TLE4: variants seen among roughly 807,000 people sequenced by gnomAD.
TLE4 encodes the protein TLE family member 4, transcriptional corepressor.
TLE4 carries 8 observed loss-of-function variants against 92.8 expected under a neutral mutation model. That is an observed-to-expected ratio of 0.09 (90% confidence interval 0.05 to 0.16). The LOEUF (loss-of-function observed/expected upper bound fraction) is 0.16. Among genes scored for constraint, TLE4 ranks in the 10% least tolerant of loss-of-function variants. The probability of loss-of-function intolerance (pLI) is 1.00; values close to 1 mark genes in which losing one functional copy is unlikely to be tolerated. For missense variants in TLE4, 675 were observed against 997.6 expected (o/e 0.68, Z 4.36); for synonymous variants, 371 against 374.1 (o/e 0.99, Z 0.10).
chr9:79,625,971 C>T (rs145539988), intron 5 of TLE4, among the ~76,000 whole-genome samples: 1 of 151,618 alleles, frequency 6.6e-6, no homozygotes, highest in African/African-American at 2.4e-5. Flanking sequence ...AATTTAAAAA[C>T]ATTAAAAAGT....
intron 6 of TLE4, among the ~76,000 whole-genome samples, chr9:79,641,880 C>T (rs564596445): frequency 1.3e-5 from 2 of 151,742 alleles, no homozygotes; most frequent in Non-Finnish European, 2.9e-5. Context: ...CCTGGTTTAG[C>T]GTTCTTCAAA....
intron 4 of TLE4, among the ~76,000 whole-genome samples, chr9:79,585,680 TAGAA>T (rs1251768920): frequency 1.3e-5 from 2 of 152,202 alleles, no homozygotes; most frequent in Non-Finnish European, 2.9e-5. Context: ...TTTTCAGTCT[TAGAA>T]AGTCTCTTTT....
intron 6 of TLE4, among the ~76,000 whole-genome samples, chr9:79,648,256 T>C (rs2058405005): frequency 6.6e-6 from 1 of 152,150 alleles, no homozygotes; most frequent in African/African-American, 2.4e-5. Flanking sequence ...CTCGCTATGT[T>C]TAGGGAACTG....
chr9:79,700,854 A>G (rs981668145), intron 8 of TLE4, among the ~76,000 whole-genome samples: 1 of 151,822 alleles, frequency 6.6e-6, no homozygotes, highest in Admixed American at 6.6e-5. Flanking sequence ...ACACACACAT[A>G]CACACACACA....
intron 4 of TLE4, among the ~76,000 whole-genome samples, chr9:79,589,942 C>T (rs1564185548): frequency 6.6e-6 from 1 of 152,100 alleles, no homozygotes. Context: ...CAAAATGGAA[C>T]CTTGAGTTTT....
chr9:79,678,594 A>G (rs117372562), intron 8 of TLE4, among the ~76,000 whole-genome samples: 4,219 of 150,290 alleles, frequency 0.028, 99 homozygotes, highest in Admixed American at 0.075. Context: ...CTCTAGTTTA[A>G]GGAAGTACTT....
chr9:79,649,632 C>G, intron 6 of TLE4: 1 of 296,588 alleles, frequency 3.4e-6, no homozygotes, highest in Non-Finnish European at 6.4e-6. Context: ...AGGAAAAGGA[C>G]CCTTCTCTAA....
At chr9:79,690,796 T>G (rs2066909109) in intron 8 of TLE4, among the ~76,000 whole-genome samples, 2 of 141,060 alleles carry the variant, frequency 1.4e-5, no homozygotes, top group African/African-American at 5.3e-5. Context: ...TTTTTTTTTT[T>G]TTTTTTTTTT....
chr9:79,656,300 T>C (rs938504303), intron 8 of TLE4, among the ~76,000 whole-genome samples: 9 of 152,212 alleles, frequency 5.9e-5, no homozygotes, highest in African/African-American at 1.9e-4. Context: ...AGATGGTTTT[T>C]ATCAGCCAGA....
intron 19 of TLE4, among the ~76,000 whole-genome samples, chr9:79,723,814 G>A (rs138091891): frequency 6.6e-6 from 1 of 152,250 alleles, no homozygotes; most frequent in Non-Finnish European, 1.5e-5. Context: ...GCCAATTGTT[G>A]CAGTCATGAA....
At chr9:79,600,066 G>T (rs2045223575) in intron 4 of TLE4, among the ~76,000 whole-genome samples, 1 of 152,198 alleles carries the variant, frequency 6.6e-6, no homozygotes, top group Non-Finnish European at 1.5e-5. Context: ...AGTATTTGTT[G>T]AATGGGCAAA....
chr9:79,646,145 T>C (rs1219819073), intron 6 of TLE4, among the ~76,000 whole-genome samples: 1 of 152,210 alleles, frequency 6.6e-6, no homozygotes, highest in Non-Finnish European at 1.5e-5. Flanking sequence ...AAATCTGTGT[T>C]ATACTGTGTA....
intron 8 of TLE4, among the ~76,000 whole-genome samples, chr9:79,686,322 T>G (rs1259217830): frequency 6.6e-6 from 1 of 152,214 alleles, no homozygotes; most frequent in Admixed American, 6.5e-5. Flanking sequence ...TTTAAAAGCT[T>G]TGAACCAACA....
intron 4 of TLE4, chr9:79,601,591 A>G (rs1587932304): frequency 2.4e-6 from 1 of 416,214 alleles, no homozygotes; most frequent in Non-Finnish European, 4.8e-6. Flanking sequence ...TGATGTTACT[A>G]TTGTAATAGT....
chr9:79,587,138 A>T (rs2041323684), intron 4 of TLE4, among the ~76,000 whole-genome samples: 1 of 152,236 alleles, frequency 6.6e-6, no homozygotes, highest in Non-Finnish European at 1.5e-5. Flanking sequence ...CAATGCCTGG[A>T]ATATAGTAGA....
chr9:79,616,819 T>TA lies in TLE4; in HGVS notation c.315+4102dup, dbSNP rs200089038. On this transcript the variant is annotated intron_variant, in intron 5 of 19. Transcript: ENST00000376552. Reference sequence around the variant, plus strand: ...TGGACCTAAAACTCTACATCACTGTTACACCCTGGCAGTAAGGGACAGCAT... The same window carrying TA: ...TGGACCTAAAACTCTACATCACTGTTAACACCCTGGCAGTAAGGGACAGCAT... 3.5e-3 allele frequency among the ~76,000 whole-genome samples: 534 copies of TA among 152,250 alleles called. 4 individuals are homozygous for TA. The highest frequency in any genetic ancestry group is 0.012 in the African/African-American group (489 of 41,552).
At chr9:79,625,058 C>T (rs1340214086) in intron 5 of TLE4, among the ~76,000 whole-genome samples, 3 of 106,308 alleles carry the variant, frequency 2.8e-5, no homozygotes, top group African/African-American at 7.3e-5. Flanking sequence ...CTCGCTCTGT[C>T]GCCCAGGCTG....
intron 8 of TLE4, among the ~76,000 whole-genome samples, chr9:79,656,656 A>T (rs1368964243): frequency 1.3e-5 from 2 of 152,202 alleles, no homozygotes; most frequent in African/African-American, 2.4e-5. Context: ...ATACAGCCCC[A>T]GTGGAACATT....
intron 8 of TLE4, among the ~76,000 whole-genome samples, chr9:79,667,359 G>A (rs1378786877): frequency 1.3e-5 from 2 of 152,176 alleles, no homozygotes; most frequent in Non-Finnish European, 2.9e-5. Flanking sequence ...AGGCTGCTTG[G>A]TTTGTACATG....
Sources: allele counts gnomAD v4.1 joint callset (sites outside exome capture counted in the v4.1 genomes callset), GRCh38; gene constraint gnomAD v4.1.1; transcripts MANE v1.5; gene names NCBI Gene and HGNC (gene_info 2026-07-23, HGNC 2026-07-21).